Variants in CTR9 observed in about 807,000 individuals in gnomAD.
The protein encoded by CTR9 is CTR9 component of Paf1/RNA polymerase II complex, also known as RNA polymerase-associated protein CTR9 homolog.
CTR9 carries 41 observed loss-of-function variants against 152.1 expected under a neutral mutation model. That is an observed-to-expected ratio of 0.27 (90% CI 0.21 to 0.35). The LOEUF is 0.35. CTR9 is among the 10% of genes least tolerant of loss of function. The pLI is 1.00. For synonymous variants in CTR9, 476 were observed against 496.2 expected (o/e 0.96, Z 0.54); for missense variants, 917 against 1,424.4 (o/e 0.64, Z 5.73).
At position 10,766,411 on chromosome 11, in the gene CTR9, G is replaced by T. The variant is rs966128559; in HGVS notation, c.1607G>T (p.Arg536Leu). ...EHPNYVDCYL[R>L]LGAMARDKGN... ...TTAAATATGTTTTCAGGCTATTTGC[G>T]CCTAGGAGCCATGGCTAGAGATAAG... Residue 536 changes from arginine (R) to leucine (L), a missense_variant, in exon 13 of 25, where the codon CGC becomes CTC. Around this residue, in one of 9 missense-constraint regions of CTR9, gnomAD observed 87 missense variants for 235.7 expected, o/e 0.37. Transcript: ENST00000361367. The T allele has an allele frequency of 6.2e-7, 1 of 1,608,270 alleles. No homozygotes were observed. Among genetic ancestry groups the T allele is most frequent in the South Asian group, 1.1e-5 (1 of 89,450 alleles).
At position 10,762,074 on chromosome 11, in the gene CTR9, A is replaced by G. The variant is rs1243579006; in HGVS notation, c.849+20A>G. On this transcript the variant is annotated intron_variant, in intron 7 of 24. Transcript: ENST00000361367. Reference sequence around the variant, plus strand: ...AAAAAGGTAGAAGTCATTTATTTTTAAATTCTGATTTTTGTTTTTCTGTAC... The same window carrying G: ...AAAAAGGTAGAAGTCATTTATTTTTGAATTCTGATTTTTGTTTTTCTGTAC... 2 of 1,451,860 alleles carry G rather than the reference A, an allele frequency of 1.4e-6. No individual in the cohort carries two copies. Among genetic ancestry groups the G allele is most frequent in the Non-Finnish European group, 1.9e-6 (2 of 1,059,694 alleles). The allele number at this position is 1,451,860 out of a possible 1,614,324, so 89.9% of individuals were successfully genotyped here.
chr11:10,756,202 A>G lies in CTR9; in HGVS notation c.502+407A>G, dbSNP rs78965870. On this transcript the variant is annotated intron_variant, in intron 4 of 24. Transcript: ENST00000361367. ...TTATACACTTCTGAAGAGCCAATAA[A>G]CAATCTCTACTTAGACAACTTAAAG... Among the ~76,000 whole-genome samples, 16 of 152,322 alleles carry G rather than the reference A, an allele frequency of 1.1e-4. No homozygotes were observed. The East Asian group carries it at 3.1e-3, about 29-fold the overall frequency.
chr11:10,768,191 A>G (rs776194355), intron 15 of CTR9, 30 bp downstream of exon 15: 11 of 1,596,676 alleles, frequency 6.9e-6, no homozygotes, highest in East Asian at 4.5e-5. Context: ...ACCCATAACA[A>G]TTTGTTTCAA....
chr11:10,755,851 A>T (rs150418318), intron 4 of CTR9, 56 bp downstream of exon 4: 2 of 1,011,542 alleles, frequency 2.0e-6, no homozygotes, highest in African/African-American at 3.2e-5. Flanking sequence ...TATGCCTAGA[A>T]TATATCTCTT....
rs1222857245 is a variant in CTR9 at position 10,770,159 on chromosome 11, A to C, written c.2110-51A>C. ...AATGCCATTTTGCTACAAAATGAAA[A>C]TGTCATTTATTCTTTGTTGTGTTTT... On this transcript the variant is annotated intron_variant, in intron 16 of 24. Transcript: ENST00000361367. 4.5e-6 allele frequency: 6 copies of C among 1,327,232 alleles called. No individual in the cohort carries two copies. In the South Asian group the frequency reaches 7.8e-5, roughly 17 times the overall value. 82.2% of individuals were successfully genotyped at this position (1,327,232 alleles called of 1,614,324 possible).
At chr11:10,768,201 A>G (rs1448320408) in intron 15 of CTR9, 40 bp downstream of exon 15, 2 of 1,589,264 alleles carry the variant, frequency 1.3e-6, no homozygotes, top group Non-Finnish European at 1.7e-6. Context: ...ATTTGTTTCA[A>G]ATGAATACTT....
At position 10,776,954 on chromosome 11, in the gene CTR9, C is replaced by T. The variant is rs527701304; in HGVS notation, c.3095+1321C>T. Among the ~76,000 whole-genome samples the T allele has an allele frequency of 3.1e-3, 308 of 97,820 alleles. 2 individuals are homozygous for T. Among genetic ancestry groups the T allele is most frequent in the African/African-American group, 0.012 (298 of 25,526 alleles). The allele number at this position is 97,820 out of a possible 152,430, so 64.2% of individuals were successfully genotyped here. Reference sequence around the variant, plus strand: ...TACCACTGCACTCCAGTCTGGGCAACAGAATGAGACTCTTGTGAAAAAAAA... The same window carrying T: ...TACCACTGCACTCCAGTCTGGGCAATAGAATGAGACTCTTGTGAAAAAAAA... On this transcript the variant is annotated intron_variant, in intron 24 of 24. Transcript: ENST00000361367.
chr11:10,774,202 T>A (rs1451280343), intron 22 of CTR9, 33 bp downstream of exon 22: 4 of 1,570,970 alleles, frequency 2.5e-6, no homozygotes, highest in Non-Finnish European at 3.4e-6. Flanking sequence ...TTAAGTAACC[T>A]CATAAAAGTG....
chr11:10,770,879 C>T (rs1388928270), intron 18 of CTR9, among the ~76,000 whole-genome samples: 1 of 152,208 alleles, frequency 6.6e-6, no homozygotes, highest in Non-Finnish European at 1.5e-5. Context: ...GATCTTGTAG[C>T]TTGACCTCTA....
In CTR9 at chr11:10,751,482, T is replaced by A. The variant is rs941363123; in HGVS notation, c.45+25T>A. 3 of 1,606,076 alleles carry A rather than the reference T, an allele frequency of 1.9e-6. No individual in the cohort carries two copies. The South Asian group carries it at 3.3e-5, about 18-fold the overall frequency. ...GGTAAGTGTCGTGTATGGAGGCGGG[T>A]GGGGGCCATGAACTTGTACGATCGC... On this transcript the variant is annotated intron_variant, in intron 1 of 24. Transcript: ENST00000361367.
chr11:10,774,711 G>T (rs1271882351), intron 22 of CTR9, among the ~76,000 whole-genome samples: 1 of 152,142 alleles, frequency 6.6e-6, no homozygotes, highest in African/African-American at 2.4e-5. Flanking sequence ...GTGCTATCCT[G>T]TCCCCAGGAA....
At chr11:10,756,682 A>G (rs1862889494) in intron 4 of CTR9, 67 bp from the exon 5 acceptor site, 1 of 1,025,756 alleles carries the variant, frequency 9.7e-7, no homozygotes, top group South Asian at 1.5e-5. Context: ...TAGATAAGTT[A>G]GTGTAAAACA....
chr11:10,753,941 G>A (rs1862844706), intron 2 of CTR9, among the ~76,000 whole-genome samples: 1 of 152,126 alleles, frequency 6.6e-6, no homozygotes, highest in African/African-American at 2.4e-5. Context: ...AAAATATAGA[G>A]ATGTTAGCAT....
intron 5 of CTR9, among the ~76,000 whole-genome samples, chr11:10,757,986 A>T (rs958143294): frequency 3.3e-5 from 5 of 152,188 alleles, no homozygotes; most frequent in African/African-American, 1.2e-4. Context: ...CTAGAGAGAG[A>T]GCATAGAAGG....
rs746961359 is a variant in CTR9 at position 10,764,517 on chromosome 11, C to T, written c.1414-31C>T. 71 of 1,604,182 alleles carry T rather than the reference C, an allele frequency of 4.4e-5. No individual in the cohort carries two copies. In the African/African-American group the frequency reaches 8.5e-4, roughly 19 times the overall value. Reference sequence around the variant, plus strand: ...TTTTTAAAAAGTGTATAAACTAAATCTTTTAACAGTGTGATTTTTCTTTCT... The same window carrying T: ...TTTTTAAAAAGTGTATAAACTAAATTTTTTAACAGTGTGATTTTTCTTTCT... On this transcript the variant is annotated intron_variant, in intron 11 of 24. Coordinates refer to ENST00000361367, the MANE Select transcript of CTR9 (RefSeq NM_014633.5).
Position 10,771,463 on chromosome 11 carries a change from T to G in CTR9, c.2373-82T>G, listed in dbSNP as rs1863141892. ...TATGCAAACCTTTTCTCAGACTTTG[T>G]AGCACAGATTAAATTTTTTAAGAGC... On this transcript the variant is annotated intron_variant, in intron 18 of 24. Coordinates refer to ENST00000361367, the MANE Select transcript of CTR9 (RefSeq NM_014633.5). The G allele has an allele frequency of 3.0e-6, 3 of 1,012,600 alleles. No individual in the cohort carries two copies. In the South Asian group the frequency reaches 4.1e-5, roughly 14 times the overall value. The allele number at this position is 1,012,600 out of a possible 1,614,324, so 62.7% of individuals were successfully genotyped here.
intron 3 of CTR9, 117 bp downstream of exon 3, chr11:10,755,314 A>C: frequency 1.6e-6 from 2 of 1,213,028 alleles, no homozygotes; most frequent in Non-Finnish European, 2.3e-6. Context: ...TGGTTGATAG[A>C]GTCAAAAAGA....
intron 22 of CTR9, among the ~76,000 whole-genome samples, chr11:10,774,682 A>G (rs749622915): frequency 1.8e-4 from 28 of 152,182 alleles, no homozygotes; most frequent in Admixed American, 5.2e-4. Context: ...CTCCTAAGCT[A>G]CTTTGGCCCT....
chr11:10,764,966 C>T (rs1320894715), intron 12 of CTR9, among the ~76,000 whole-genome samples: 1 of 152,186 alleles, frequency 6.6e-6, no homozygotes, highest in Non-Finnish European at 1.5e-5. Context: ...AGGTTATCTT[C>T]AGTGGGTCAG....
Sources: allele counts gnomAD v4.1 joint callset (sites outside exome capture counted in the v4.1 genomes callset), GRCh38; gene constraint gnomAD v4.1.1; regional missense constraint gnomAD v4.1.1; transcripts MANE v1.5; gene names NCBI Gene and HGNC (gene_info 2026-07-23, HGNC 2026-07-21).